RSU1: variants seen among roughly 807,000 people sequenced by gnomAD.
RSU1 encodes Ras suppressor protein 1.
Under a neutral mutation model 31.1 loss-of-function variants are expected in RSU1, and 26 were observed. The observed-to-expected ratio is 0.84, with a 90% CI of 0.61 to 1.16. RSU1 has a LOEUF of 1.16. RSU1 is among the 50% of genes most tolerant of loss of function. The pLI is 0.00. For synonymous variants in RSU1, 164 were observed against 136.3 expected, an observed-to-expected ratio of 1.20 and a Z score of -1.41; for missense variants, 320 against 339.1, an observed-to-expected ratio of 0.94 and a Z score of 0.44.
intron 7 of RSU1, among the ~76,000 whole-genome samples, chr10:16,706,885 TTCCCGCCCC>T (rs1443657371): frequency 6.6e-6 from 1 of 152,280 alleles, no homozygotes; most frequent in East Asian, 1.9e-4. Flanking sequence ...CTTCCATCTC[TTCCCGCCCC>T]TCCCAGTCTC....
chr10:16,683,002 C>T (rs558930809), intron 8 of RSU1, among the ~76,000 whole-genome samples: 1 of 152,144 alleles, frequency 6.6e-6, no homozygotes, highest in African/African-American at 2.4e-5. Context: ...AACGCATCTT[C>T]GAATTCAAAG....
At chr10:16,676,170 C>T (rs1428055270) in intron 8 of RSU1, among the ~76,000 whole-genome samples, 1 of 152,154 alleles carries the variant, frequency 6.6e-6, no homozygotes, top group African/African-American at 2.4e-5. Flanking sequence ...CAGGTTGATC[C>T]CTGTATTAGT....
At chr10:16,800,911 T>C (rs1428539097) in intron 2 of RSU1, among the ~76,000 whole-genome samples, 1 of 148,192 alleles carries the variant, frequency 6.7e-6, no homozygotes, top group African/African-American at 2.5e-5. Context: ...GAAAATGAAA[T>C]CATATTAAAT....
chr10:16,809,052 C>T (rs1235584967), intron 2 of RSU1, among the ~76,000 whole-genome samples: 3 of 152,182 alleles, frequency 2.0e-5, no homozygotes, highest in Non-Finnish European at 4.4e-5. Context: ...AATCACCCAG[C>T]CTGCGGTGTT....
intron 4 of RSU1, among the ~76,000 whole-genome samples, chr10:16,762,294 T>TTATATATA (rs57480136): frequency 4.7e-5 from 7 of 149,708 alleles, no homozygotes; most frequent in Non-Finnish European, 8.9e-5. Context: ...GATTGAGATT[T>TTATATATA]TATATATATA....
chr10:16,753,276 T>G (rs1171785293), intron 5 of RSU1, among the ~76,000 whole-genome samples: 3 of 152,218 alleles, frequency 2.0e-5, no homozygotes, highest in Non-Finnish European at 4.4e-5. Flanking sequence ...CAGCACATTT[T>G]CAGAAAAGAT....
chr10:16,653,140 T>A (rs1834716613), intron 8 of RSU1, among the ~76,000 whole-genome samples: 3 of 152,288 alleles, frequency 2.0e-5, no homozygotes, highest in South Asian at 4.1e-4. Flanking sequence ...GCTCTAACAG[T>A]GCTCATGAGG....
At chr10:16,658,422 G>T (rs985357587) in intron 8 of RSU1, among the ~76,000 whole-genome samples, 1 of 151,996 alleles carries the variant, frequency 6.6e-6, no homozygotes, top group Non-Finnish European at 1.5e-5. Context: ...GAACAATTTG[G>T]CTTGAAAATA....
chr10:16,665,739 C>T lies in RSU1; in HGVS notation c.731+29284G>A, dbSNP rs547015935. On this transcript the variant is annotated intron_variant, in intron 8 of 8. Coordinates refer to ENST00000345264, the MANE Select transcript of RSU1 (RefSeq NM_012425.4). ...TGTAAAAAGATCATATTAGGCAAAACGGAAAGAATAAAATATTTAAGACAT... is the reference window on the plus strand; with the variant it reads ...TGTAAAAAGATCATATTAGGCAAAATGGAAAGAATAAAATATTTAAGACAT... 7.9e-5 allele frequency among the ~76,000 whole-genome samples: 12 copies of T among 152,132 alleles called. No individual in the cohort carries two copies. In the South Asian group the frequency reaches 1.2e-3, roughly 16 times the overall value.
At chr10:16,650,782 C>A (rs555857822) in intron 8 of RSU1, among the ~76,000 whole-genome samples, 1 of 151,834 alleles carries the variant, frequency 6.6e-6, no homozygotes, top group East Asian at 1.9e-4. Context: ...GAGGTTTCAC[C>A]GTGTTAACCA....
At chr10:16,793,589 T>G (rs1046650854) in intron 2 of RSU1, among the ~76,000 whole-genome samples, 7 of 152,176 alleles carry the variant, frequency 4.6e-5, no homozygotes, top group Admixed American at 4.6e-4. Flanking sequence ...GAAAAACTAT[T>G]TCTGAAGATG....
chr10:16,686,353 C>G (rs1835440199), intron 8 of RSU1, among the ~76,000 whole-genome samples: 1 of 152,164 alleles, frequency 6.6e-6, no homozygotes, highest in African/African-American at 2.4e-5. Flanking sequence ...AAGCATTGAA[C>G]TTTTAAGACT....
intron 8 of RSU1, among the ~76,000 whole-genome samples, chr10:16,628,087 G>A (rs1424608187): frequency 1.3e-5 from 2 of 152,178 alleles, no homozygotes; most frequent in Non-Finnish European, 2.9e-5. Context: ...CACTCACAGA[G>A]GGTACTTCAT....
intron 7 of RSU1, among the ~76,000 whole-genome samples, chr10:16,698,212 T>C (rs570230162): frequency 3.3e-5 from 5 of 151,988 alleles, no homozygotes; most frequent in Admixed American, 6.5e-5. Flanking sequence ...CTTGGGATAA[T>C]GAGGGGAAGA....
At chr10:16,710,654 CATTTT>C (rs1835999416) in intron 7 of RSU1, among the ~76,000 whole-genome samples, 1 of 151,854 alleles carries the variant, frequency 6.6e-6, no homozygotes, top group African/African-American at 2.4e-5. Context: ...TTTGATGAAA[CATTTT>C]TTTTAAATTT....
intron 2 of RSU1, among the ~76,000 whole-genome samples, chr10:16,812,614 A>G (rs574559938): frequency 2.0e-5 from 3 of 152,110 alleles, no homozygotes; most frequent in Non-Finnish European, 2.9e-5. Context: ...ACCCATGATC[A>G]TATTTGTTTA....
intron 3 of RSU1, among the ~76,000 whole-genome samples, chr10:16,774,915 G>A (rs936762298): frequency 3.3e-5 from 5 of 152,084 alleles, no homozygotes; most frequent in African/African-American, 4.8e-5. Context: ...TCCAGCCTGG[G>A]CAAATTAGCC....
intron 8 of RSU1, among the ~76,000 whole-genome samples, chr10:16,662,869 C>A (rs1834913545): frequency 6.6e-6 from 1 of 151,638 alleles, no homozygotes; most frequent in Non-Finnish European, 1.5e-5. Context: ...ATAACATTAA[C>A]TATTCTGTGA....
At chr10:16,601,684 C>T (rs924918894) in intron 8 of RSU1, among the ~76,000 whole-genome samples, 1 of 152,208 alleles carries the variant, frequency 6.6e-6, no homozygotes, top group African/African-American at 2.4e-5. Context: ...CCTAGCCTGG[C>T]ACCTGGCATG....
Sources: allele counts gnomAD v4.1 joint callset (sites outside exome capture counted in the v4.1 genomes callset), GRCh38; gene constraint gnomAD v4.1.1; transcripts MANE v1.5; gene names NCBI Gene and HGNC (gene_info 2026-07-23, HGNC 2026-07-21).